The following PPM1H variants were observed in gnomAD, a reference collection of about 807,000 sequenced individuals.
PPM1H encodes protein phosphatase, Mg2+/Mn2+ dependent 1H, also known as protein phosphatase 1H.
In PPM1H, 27 loss-of-function variants were observed where a neutral mutation model predicts 54.9. The observed-to-expected ratio is 0.49, with a 90% CI of 0.36 to 0.68. The LOEUF is 0.68. Ranked by LOEUF, PPM1H falls within the 30% of genes least tolerant of loss-of-function variation. PPM1H has a pLI of 0.00. For missense variants in PPM1H, 596 were observed against 667.8 expected, an observed-to-expected ratio of 0.89 and a Z score of 1.19; for synonymous variants, 305 against 270.8, an observed-to-expected ratio of 1.13 and a Z score of -1.24.
intron 1 of PPM1H, among the ~76,000 whole-genome samples, chr12:62,912,015 T>C (rs1021278232): frequency 6.6e-6 from 1 of 152,234 alleles, no homozygotes; most frequent in African/African-American, 2.4e-5. Context: ...CAACATTTGC[T>C]GATATTCCTT....
chr12:62,934,898 C>A lies in PPM1H; in HGVS notation c.-162G>T. ...CCCAGAGCCTAGTGCTGCAGGGGGCCGAGCCCCGGCCTCTCGTGCTTAGTG... is the reference window on the plus strand; with the variant it reads ...CCCAGAGCCTAGTGCTGCAGGGGGCAGAGCCCCGGCCTCTCGTGCTTAGTG... On this transcript the variant is annotated 5_prime_UTR_variant, in exon 1 of 10. Coordinates refer to ENST00000228705, the MANE Select transcript of PPM1H (RefSeq NM_020700.2). The surrounding 1 kb of genome is among the most constrained non-coding windows in gnomAD (Gnocchi z 4.2). 1 of 561,526 alleles carries A rather than the reference C, an allele frequency of 1.8e-6. No individual in the cohort carries two copies. Among genetic ancestry groups the A allele is most frequent in the Non-Finnish European group, 2.5e-6 (1 of 392,922 alleles). The allele number at this position is 561,526 out of a possible 1,614,324, so 34.8% of individuals were successfully genotyped here.
At chr12:62,658,059 A>AC (rs1414783076) in intron 9 of PPM1H, among the ~76,000 whole-genome samples, 3 of 137,458 alleles carry the variant, frequency 2.2e-5, no homozygotes, top group African/African-American at 1.0e-4. Context: ...CAGGTTACAA[A>AC]AAAAAAAAAA....
intron 3 of PPM1H, among the ~76,000 whole-genome samples, chr12:62,795,635 G>A (rs1006948558): frequency 3.9e-5 from 6 of 151,948 alleles, no homozygotes; most frequent in Admixed American, 6.6e-5. Flanking sequence ...TAGTAGAGAC[G>A]GGGTTTCACC....
chr12:62,934,326 G>T lies in PPM1H; in HGVS notation c.245+166C>A, dbSNP rs1050303918. Among the ~76,000 whole-genome samples the T allele has an allele frequency of 3.3e-5, 5 of 152,190 alleles. No individual in the cohort carries two copies. Among genetic ancestry groups the T allele is most frequent in the African/African-American group, 7.2e-5 (3 of 41,438 alleles). The stretch of plus-strand genomic sequence containing the variant: ...TTGGGCTGGGGGAAGAGGGAGTGGG[G>T]AGAAGAGGGAAATGGCCAGTGTAAG... On this transcript the variant is annotated intron_variant, in intron 1 of 9. Coordinates refer to ENST00000228705, the MANE Select transcript of PPM1H (RefSeq NM_020700.2). This position sits in a 1 kb window ranked among gnomAD's most constrained non-coding sequence, Gnocchi z 4.2.
At chr12:62,831,669 G>A (rs1432005980) in intron 2 of PPM1H, among the ~76,000 whole-genome samples, 6 of 151,320 alleles carry the variant, frequency 4.0e-5, no homozygotes, top group Non-Finnish European at 8.8e-5. Flanking sequence ...CAAAGACCTA[G>A]AAGTGGCTCC....
intron 9 of PPM1H, among the ~76,000 whole-genome samples, chr12:62,654,561 T>A (rs1015589003): frequency 3.3e-5 from 5 of 152,090 alleles, no homozygotes; most frequent in African/African-American, 1.2e-4. Flanking sequence ...ATCTCTCAAG[T>A]TGGCCGCTTG....
chr12:62,670,349 T>C (rs1418911861), intron 8 of PPM1H, among the ~76,000 whole-genome samples: 1 of 152,140 alleles, frequency 6.6e-6, no homozygotes, highest in African/African-American at 2.4e-5. Flanking sequence ...TGATAGACAA[T>C]ATTGAGTCAT....
intron 1 of PPM1H, among the ~76,000 whole-genome samples, chr12:62,901,590 A>G (rs1447792504): frequency 2.0e-5 from 3 of 152,230 alleles, no homozygotes; most frequent in African/African-American, 7.2e-5. Flanking sequence ...AATCATATTA[A>G]TACACACACA....
chr12:62,736,456 G>C (rs2076349946), intron 5 of PPM1H, among the ~76,000 whole-genome samples: 1 of 152,146 alleles, frequency 6.6e-6, no homozygotes, highest in Admixed American at 6.5e-5. Flanking sequence ...AGCAACAGTA[G>C]GTGAAAGATT....
At chr12:62,680,445 T>C (rs977011313) in intron 8 of PPM1H, among the ~76,000 whole-genome samples, 1 of 152,096 alleles carries the variant, frequency 6.6e-6, no homozygotes, top group Non-Finnish European at 1.5e-5. Context: ...AGCCTCCAAG[T>C]AGCTGGGACT....
At chr12:62,933,005 T>C (rs1248155352) in intron 1 of PPM1H, among the ~76,000 whole-genome samples, 1 of 152,186 alleles carries the variant, frequency 6.6e-6, no homozygotes, top group Non-Finnish European at 1.5e-5. Context: ...CAGGCTCTTT[T>C]TTCTCCTTTA....
chr12:62,692,141 GAAGA>G (rs2076086620), intron 7 of PPM1H, among the ~76,000 whole-genome samples: 2 of 152,142 alleles, frequency 1.3e-5, no homozygotes, highest in Admixed American at 6.5e-5. Context: ...GGTACGCGGA[GAAGA>G]AAGAGAAAAT....
intron 5 of PPM1H, among the ~76,000 whole-genome samples, chr12:62,728,213 C>T (rs1194787588): frequency 8.5e-5 from 13 of 152,164 alleles, no homozygotes; most frequent in Admixed American, 8.5e-4. Context: ...CTTAGGGACT[C>T]TAAAGAGCAC....
intron 1 of PPM1H, among the ~76,000 whole-genome samples, chr12:62,884,308 G>A (rs1175765123): frequency 6.7e-6 from 1 of 149,152 alleles, no homozygotes; most frequent in Non-Finnish European, 1.5e-5. Flanking sequence ...CCGACATGGT[G>A]AAATCCTGTC....
At chr12:62,652,633 G>A (rs561293976) in intron 9 of PPM1H, among the ~76,000 whole-genome samples, 1 of 152,270 alleles carries the variant, frequency 6.6e-6, no homozygotes, top group East Asian at 1.9e-4. Context: ...TGGATTGGAA[G>A]TGTTATTTCT....
At chr12:62,764,382 C>T (rs342153) in intron 4 of PPM1H, among the ~76,000 whole-genome samples, 54,531 of 152,046 alleles carry the variant, frequency 0.36, 9,848 homozygotes, top group Middle Eastern at 0.47. Flanking sequence ...AAACCACCAT[C>T]CTGAAGCAAA....
chr12:62,792,940 G>A (rs2076708817), intron 3 of PPM1H, among the ~76,000 whole-genome samples: 1 of 152,084 alleles, frequency 6.6e-6, no homozygotes, highest in Non-Finnish European at 1.5e-5. Context: ...TCACCTTTCA[G>A]ATTAGATTAA....
chr12:62,683,962 G>C (rs2076037537), intron 8 of PPM1H, among the ~76,000 whole-genome samples: 1 of 152,188 alleles, frequency 6.6e-6, no homozygotes, highest in Non-Finnish European at 1.5e-5. Context: ...TGCTGGACTG[G>C]GACTGGGAGA....
At chr12:62,864,343 G>A (rs1023795527) in intron 1 of PPM1H, among the ~76,000 whole-genome samples, 14 of 152,210 alleles carry the variant, frequency 9.2e-5, no homozygotes, top group African/African-American at 3.4e-4. Flanking sequence ...ACTAATATTG[G>A]TTTAAAAAAA....
Sources: allele counts gnomAD v4.1 joint callset (sites outside exome capture counted in the v4.1 genomes callset), GRCh38; gene constraint gnomAD v4.1.1; non-coding constraint Gnocchi (gnomAD v3.1); transcripts MANE v1.5; gene names NCBI Gene and HGNC (gene_info 2026-07-23, HGNC 2026-07-21).